The following CHST9 variants were observed in gnomAD, a reference collection of about 807,000 sequenced individuals.
CHST9 encodes the protein GalNAc-4-sulfotransferase 2.
A neutral mutation model predicts 44.4 loss-of-function variants in CHST9; 41 were observed. The observed-to-expected ratio is 0.92, with a 90% CI of 0.72 to 1.20. The LOEUF (loss-of-function observed/expected upper bound fraction) is 1.20. Among genes scored for constraint, CHST9 ranks in the 50% most tolerant of loss-of-function variants. The pLI, the probability that CHST9 is intolerant of heterozygous loss-of-function variation, is 0.00. For missense variants in CHST9, 504 were observed against 516.5 expected (o/e 0.98, Z 0.23); for synonymous variants, 171 against 178.4 (o/e 0.96, Z 0.33).
intron 4 of CHST9, among the ~76,000 whole-genome samples, chr18:26,985,772 G>T (rs964234580): frequency 5.3e-5 from 8 of 152,178 alleles, no homozygotes; most frequent in Non-Finnish European, 1.2e-4. Context: ...GATAGTGCCT[G>T]ACACTTACAC....
chr18:27,040,446 C>T (rs2057432844), intron 3 of CHST9, among the ~76,000 whole-genome samples: 1 of 152,090 alleles, frequency 6.6e-6, no homozygotes, highest in African/African-American at 2.4e-5. Flanking sequence ...TGAAAGGGAC[C>T]CCTGGTTCTG....
At chr18:26,969,224 G>A (rs1004650557) in intron 4 of CHST9, among the ~76,000 whole-genome samples, 5 of 151,812 alleles carry the variant, frequency 3.3e-5, no homozygotes, top group African/African-American at 1.2e-4. Context: ...GGTTGGTCTC[G>A]ATCTCCTGAC....
At chr18:27,137,456 T>C (rs1403686232) in intron 2 of CHST9, among the ~76,000 whole-genome samples, 1 of 151,374 alleles carries the variant, frequency 6.6e-6, no homozygotes, top group Non-Finnish European at 1.5e-5. Flanking sequence ...ACAGAAGGGA[T>C]CCCAGGCTCC....
intron 4 of CHST9, among the ~76,000 whole-genome samples, chr18:26,986,544 T>G (rs2056757387): frequency 6.6e-6 from 1 of 152,142 alleles, no homozygotes; most frequent in South Asian, 2.1e-4. Context: ...TTTCATATTT[T>G]TGGTGAAAAC....
chr18:27,015,698 G>A (rs1475217740), intron 4 of CHST9, among the ~76,000 whole-genome samples: 1 of 152,196 alleles, frequency 6.6e-6, no homozygotes, highest in Non-Finnish European at 1.5e-5. Context: ...AAGGGTAGAG[G>A]ATTCCACACA....
intron 2 of CHST9, among the ~76,000 whole-genome samples, chr18:27,076,710 C>T (rs982697899): frequency 3.9e-5 from 6 of 152,176 alleles, no homozygotes; most frequent in African/African-American, 1.4e-4. Context: ...AACTTAAATT[C>T]AGCATATGAA....
intron 2 of CHST9, among the ~76,000 whole-genome samples, chr18:27,076,296 T>A (rs1209967259): frequency 6.6e-6 from 1 of 152,180 alleles, no homozygotes; most frequent in Non-Finnish European, 1.5e-5. Flanking sequence ...AACTCTATCC[T>A]GTTTATTTTA....
At chr18:27,069,600 C>T (rs1270123216) in intron 2 of CHST9, among the ~76,000 whole-genome samples, 1 of 152,134 alleles carries the variant, frequency 6.6e-6, no homozygotes, top group African/African-American at 2.4e-5. Flanking sequence ...ACACAGATAG[C>T]ACAATAAATC....
intron 1 of CHST9, among the ~76,000 whole-genome samples, chr18:27,156,082 T>G (rs148837913): frequency 6.6e-6 from 1 of 151,768 alleles, no homozygotes; most frequent in Non-Finnish European, 1.5e-5. Context: ...AAAACAAACT[T>G]TTAATATACA....
At chr18:27,030,498 C>G (rs1221701475) in intron 3 of CHST9, among the ~76,000 whole-genome samples, 1 of 152,170 alleles carries the variant, frequency 6.6e-6, no homozygotes, top group East Asian at 1.9e-4. Context: ...AAAGGAAACA[C>G]AAGCTTAAAA....
At chr18:27,163,369 G>T (rs551266687) in intron 1 of CHST9, among the ~76,000 whole-genome samples, 1 of 152,182 alleles carries the variant, frequency 6.6e-6, no homozygotes. Context: ...AGTCTGCAGA[G>T]GATTCTGCTG....
intron 4 of CHST9, among the ~76,000 whole-genome samples, chr18:26,993,765 T>G (rs2056852511): frequency 6.6e-6 from 1 of 152,228 alleles, no homozygotes; most frequent in South Asian, 2.1e-4. Context: ...ATTTGGAAAC[T>G]GTGAACTGAG....
rs147961149 is a variant in CHST9, at chr18:27,176,470, A to C, written c.-97+8666T>G. ...TCAAAATCAAAGCCTTGGTAATGGA[A>C]TTGAAGGAGAAGTAATGTCAAGATT... is the stretch of plus-strand genomic sequence containing the variant. On this transcript the variant is annotated intron_variant, in intron 1 of 5. Coordinates refer to ENST00000618847, the MANE Select transcript of CHST9 (RefSeq NM_031422.6). Among the ~76,000 whole-genome samples the C allele has an allele frequency of 7.6e-4, 116 of 152,096 alleles. No homozygotes were observed. In the East Asian group the frequency reaches 0.017, roughly 22 times the overall value.
intron 4 of CHST9, among the ~76,000 whole-genome samples, chr18:27,005,966 T>G (rs74994309): frequency 0.011 from 1,662 of 152,304 alleles, 29 homozygotes; most frequent in African/African-American, 0.038. Flanking sequence ...TCTATTATAT[T>G]TATATTCCCA....
chr18:27,094,063 T>A (rs1002425941), intron 2 of CHST9, among the ~76,000 whole-genome samples: 1 of 152,162 alleles, frequency 6.6e-6, no homozygotes. Context: ...ATTTTCACAA[T>A]GAGAGAATTA....
chr18:26,926,627 C>A (rs1323442220), intron 5 of CHST9, among the ~76,000 whole-genome samples: 1 of 152,148 alleles, frequency 6.6e-6, no homozygotes, highest in African/African-American at 2.4e-5. Flanking sequence ...ATAACTTGCA[C>A]AAGGTCACTC....
At chr18:27,044,110 G>A (rs2057473886) in intron 3 of CHST9, among the ~76,000 whole-genome samples, 1 of 151,554 alleles carries the variant, frequency 6.6e-6, no homozygotes, top group Non-Finnish European at 1.5e-5. Context: ...TTTCTTCAAG[G>A]ACTGACTCAA....
intron 4 of CHST9, among the ~76,000 whole-genome samples, chr18:26,997,644 G>C (rs2056901676): frequency 6.6e-6 from 1 of 152,192 alleles, no homozygotes; most frequent in African/African-American, 2.4e-5. Context: ...ATGTGATCTT[G>C]TAGCTTGGTG....
Position 27,140,129 on chromosome 18 carries a change from T to C in CHST9, c.121+2560A>G, listed in dbSNP as rs184387146. On this transcript the variant is annotated intron_variant, in intron 2 of 5. Coordinates refer to ENST00000618847, the MANE Select transcript of CHST9 (RefSeq NM_031422.6). ...CATCTGTGCTATAGAGAAATAATAA[T>C]ATTCACCTTTTTCCTTCATGGAAGT... is the stretch of plus-strand genomic sequence containing the variant. 2.1e-3 allele frequency among the ~76,000 whole-genome samples: 314 copies of C among 152,282 alleles called. 2 individuals are homozygous for C. Among genetic ancestry groups the C allele is most frequent in the African/African-American group, 7.2e-3 (299 of 41,582 alleles).
Sources: allele counts gnomAD v4.1 joint callset (sites outside exome capture counted in the v4.1 genomes callset), GRCh38; gene constraint gnomAD v4.1.1; transcripts MANE v1.5; gene names NCBI Gene and HGNC (gene_info 2026-07-23, HGNC 2026-07-21).